The following ROBO2 variants were observed in gnomAD, a reference collection of about 807,000 sequenced individuals.
The protein encoded by ROBO2 is roundabout homolog 2.
A neutral mutation model predicts 160.8 loss-of-function variants in ROBO2; 53 were observed. That is an observed-to-expected ratio of 0.33 (90% CI 0.26 to 0.41). The LOEUF is 0.41. ROBO2 is among the 10% of genes least tolerant of loss of function. The pLI, the probability that ROBO2 is intolerant of heterozygous loss-of-function variation, is 1.00. For synonymous variants in ROBO2, 664 were observed against 611.7 expected (o/e 1.09, Z -1.26); for missense variants, 1,577 against 1,722.4 (o/e 0.92, Z 1.49).
chr3:76,957,365 A>G (rs1204023490), intron 2 of ROBO2, among the ~76,000 whole-genome samples: 1 of 152,132 alleles, frequency 6.6e-6, no homozygotes, highest in Non-Finnish European at 1.5e-5. Flanking sequence ...AAAAGAAATT[A>G]AATAGGAGAA....
chr3:76,416,770 A>G (rs954834900), intron 2 of ROBO2, among the ~76,000 whole-genome samples: 1 of 151,824 alleles, frequency 6.6e-6, no homozygotes, highest in African/African-American at 2.4e-5. Context: ...TATCTCTCTC[A>G]TCATCTGCGC....
At chr3:77,134,465 A>G (rs2076114046) in intron 2 of ROBO2, among the ~76,000 whole-genome samples, 1 of 152,180 alleles carries the variant, frequency 6.6e-6, no homozygotes, top group Non-Finnish European at 1.5e-5. Context: ...GGTATCTGGG[A>G]TTATGGTACC....
chr3:76,536,364 C>A (rs1230095611), intron 2 of ROBO2, among the ~76,000 whole-genome samples: 1 of 152,104 alleles, frequency 6.6e-6, no homozygotes, highest in Non-Finnish European at 1.5e-5. Context: ...ATGTCAGGAG[C>A]TGACTGGGTG....
At chr3:76,711,589 C>T (rs911317065) in intron 2 of ROBO2, among the ~76,000 whole-genome samples, 10 of 152,144 alleles carry the variant, frequency 6.6e-5, no homozygotes, top group African/African-American at 2.4e-4. Context: ...ACATTAAGCA[C>T]CTGTCAAATG....
At chr3:76,821,042 A>G (rs1008010244) in intron 2 of ROBO2, among the ~76,000 whole-genome samples, 2 of 151,988 alleles carry the variant, frequency 1.3e-5, no homozygotes, top group African/African-American at 2.4e-5. Context: ...AAAGCGTTCA[A>G]TTGTTTATTT....
chr3:77,626,619 T>A (rs1360455808), intron 23 of ROBO2, among the ~76,000 whole-genome samples: 1 of 151,686 alleles, frequency 6.6e-6, no homozygotes, highest in Non-Finnish European at 1.5e-5. Flanking sequence ...ATGGCAGGAG[T>A]CAATGGTAAT....
intron 2 of ROBO2, among the ~76,000 whole-genome samples, chr3:76,557,604 CTTTT>C (rs58555009): frequency 8.4e-5 from 11 of 130,338 alleles, no homozygotes; most frequent in Admixed American, 3.8e-4. Flanking sequence ...TAAAGGGTGC[CTTTT>C]TTTTTTTTTT....
At chr3:76,279,412 A>T (rs1237432630) in intron 2 of ROBO2, among the ~76,000 whole-genome samples, 5 of 151,950 alleles carry the variant, frequency 3.3e-5, no homozygotes, top group African/African-American at 4.8e-5. Context: ...TTTCTTACTG[A>T]AACATGTCTC....
chr3:77,187,861 A>G (rs2081421405), intron 2 of ROBO2, among the ~76,000 whole-genome samples: 1 of 151,942 alleles, frequency 6.6e-6, no homozygotes, highest in Non-Finnish European at 1.5e-5. Flanking sequence ...AGTAGCAGAA[A>G]ATGACTTTGC....
At chr3:77,303,438 G>A (rs917907977) in intron 2 of ROBO2, among the ~76,000 whole-genome samples, 5 of 152,158 alleles carry the variant, frequency 3.3e-5, no homozygotes, top group African/African-American at 9.7e-5. Context: ...TTATTCCTGT[G>A]TGAAATATAA....
intron 2 of ROBO2, among the ~76,000 whole-genome samples, chr3:77,138,478 C>T (rs1334949301): frequency 2.6e-5 from 4 of 151,974 alleles, no homozygotes; most frequent in Non-Finnish European, 4.4e-5. Context: ...ATGCAGCTGT[C>T]GCAGAATCTC....
intron 2 of ROBO2, among the ~76,000 whole-genome samples, chr3:77,392,561 T>C (rs1204942337): frequency 6.6e-6 from 1 of 152,188 alleles, no homozygotes; most frequent in Admixed American, 6.5e-5. Flanking sequence ...ATTGTGGAGG[T>C]ATTTGCAATT....
At chr3:76,559,879 C>T (rs555240756) in intron 2 of ROBO2, among the ~76,000 whole-genome samples, 35 of 152,188 alleles carry the variant, frequency 2.3e-4, no homozygotes, top group African/African-American at 7.7e-4. Flanking sequence ...TTCCCCAAGT[C>T]ATCTCCAGAC....
intron 2 of ROBO2, among the ~76,000 whole-genome samples, chr3:76,912,371 T>C (rs2076044986): frequency 6.6e-6 from 1 of 152,206 alleles, no homozygotes; most frequent in Non-Finnish European, 1.5e-5. Flanking sequence ...TCTGAATTAA[T>C]GCTTCTCTTA....
chr3:77,044,015 T>C (rs6548474), intron 1 of ROBO2, among the ~76,000 whole-genome samples: 149,985 of 152,208 alleles, frequency 0.99, 73,932 homozygotes, highest in Middle Eastern at 1. Flanking sequence ...TATTTCAGAA[T>C]TTAAATTATA....
intron 2 of ROBO2, among the ~76,000 whole-genome samples, chr3:77,402,837 A>G (rs2075929235): frequency 6.6e-6 from 1 of 151,924 alleles, no homozygotes; most frequent in Non-Finnish European, 1.5e-5. Context: ...CACGCACTTG[A>G]TCTCCCAAGT....
chr3:76,697,645 CA>C (rs761682288), intron 2 of ROBO2, among the ~76,000 whole-genome samples: 3 of 150,166 alleles, frequency 2.0e-5, no homozygotes, highest in Non-Finnish European at 3.0e-5. Context: ...AACCCTGTCT[CA>C]AAAAAGAACA....
chr3:77,274,018 T>A (rs1350497392), intron 2 of ROBO2, among the ~76,000 whole-genome samples: 1 of 152,154 alleles, frequency 6.6e-6, no homozygotes, highest in Non-Finnish European at 1.5e-5. Context: ...AAAGCTATAC[T>A]GAGTTTATTA....
chr3:76,901,274 C>T (rs2075206595), intron 2 of ROBO2, among the ~76,000 whole-genome samples: 1 of 151,942 alleles, frequency 6.6e-6, no homozygotes, highest in African/African-American at 2.4e-5. Context: ...TTTTATTTTT[C>T]CCCTCTTGCA....
Sources: allele counts gnomAD v4.1 joint callset (sites outside exome capture counted in the v4.1 genomes callset), GRCh38; gene constraint gnomAD v4.1.1; transcripts MANE v1.5; gene names NCBI Gene and HGNC (gene_info 2026-07-23, HGNC 2026-07-21).